Variants in SCG5 observed in about 807,000 individuals in gnomAD.
The protein encoded by SCG5 is secretogranin V.
In SCG5, 18 loss-of-function variants were observed where a neutral mutation model predicts 25.7. The observed-to-expected ratio is 0.70, with a 90% confidence interval of 0.48 to 1.04. The LOEUF (loss-of-function observed/expected upper bound fraction) is 1.04. Ranked by LOEUF, SCG5 falls within the 50% of genes least tolerant of loss-of-function variation. The pLI, the probability that SCG5 is intolerant of heterozygous loss-of-function variation, is 0.00. For missense variants in SCG5, 206 were observed against 259.8 expected (o/e 0.79, Z 1.42); for synonymous variants, 101 against 91.7 (o/e 1.10, Z -0.58).
intron 4 of SCG5, among the ~76,000 whole-genome samples, chr15:32,688,530 CCTG>C (rs1461293218): frequency 3.3e-5 from 5 of 152,094 alleles, no homozygotes; most frequent in Non-Finnish European, 7.3e-5. Flanking sequence ...TGTGATTAGA[CCTG>C]CTTAGTATTT....
intron 2 of SCG5, among the ~76,000 whole-genome samples, chr15:32,663,260 GC>G (rs2054268929): frequency 1.3e-5 from 2 of 150,756 alleles, no homozygotes; most frequent in South Asian, 4.2e-4. Context: ...ATTTTTTATT[GC>G]CCCAAAAGAA....
At chr15:32,659,735 G>C (rs550800176) in intron 2 of SCG5, among the ~76,000 whole-genome samples, 57 of 152,304 alleles carry the variant, frequency 3.7e-4, no homozygotes, top group African/African-American at 1.4e-3. Flanking sequence ...GTTTGGACAA[G>C]ATGTGAGTGA....
chr15:32,672,089 A>G (rs868135090), intron 2 of SCG5, among the ~76,000 whole-genome samples: 11 of 152,246 alleles, frequency 7.2e-5, no homozygotes, highest in Admixed American at 3.9e-4. Flanking sequence ...TTTCTGAATG[A>G]TGTATCGAGA....
intron 2 of SCG5, among the ~76,000 whole-genome samples, chr15:32,650,275 G>A (rs142380644): frequency 0.01 from 1,593 of 151,750 alleles, 35 homozygotes; most frequent in African/African-American, 0.037. Context: ...TTTTTTTTTC[G>A]TATTTTTAGT....
In SCG5 at chr15:32,642,083, T is replaced by C. The variant is rs548027461; in HGVS notation, c.-8+305T>C. Among the ~76,000 whole-genome samples the C allele has an allele frequency of 4.2e-4, 64 of 152,178 alleles. 1 individual carries two copies. Among genetic ancestry groups the C allele is most frequent in the Admixed American group, 3.3e-3 (50 of 15,292 alleles). ...CAGCCTTTTCCATCAGAATTGCAGA[T>C]TTTGCTGTTAAACAGCTACTCTCAG... On this transcript the variant is annotated intron_variant, in intron 1 of 5. Transcript: ENST00000300175.
intron 2 of SCG5, among the ~76,000 whole-genome samples, chr15:32,672,585 T>C (rs1179222562): frequency 6.6e-6 from 1 of 152,016 alleles, no homozygotes; most frequent in African/African-American, 2.4e-5. Context: ...ACCTGGAAAC[T>C]ATGAGAGACC....
intron 2 of SCG5, among the ~76,000 whole-genome samples, chr15:32,652,988 A>G (rs1029013644): frequency 4.6e-5 from 7 of 152,244 alleles, no homozygotes; most frequent in African/African-American, 1.7e-4. Flanking sequence ...GCATAAACCT[A>G]GAACAAAAAT....
At position 32,696,881 on chromosome 15, in the gene SCG5, A is replaced by T; in HGVS notation, c.*272A>T. On this transcript the variant is annotated 3_prime_UTR_variant, in exon 6 of 6. Transcript: ENST00000300175. ...AATGTGAATGTCAACAATAAAAAGC[A>T]AGACTATGAAAGGCTCAGATTTCTT... The T allele has an allele frequency of 6.4e-6, 2 of 312,238 alleles. No individual in the cohort carries two copies. Among genetic ancestry groups the T allele is most frequent in the South Asian group, 1.1e-4 (2 of 18,068 alleles). 19.3% of individuals were successfully genotyped at this position (312,238 alleles called of 1,614,324 possible).
chr15:32,688,177 T>A (rs2054756141), intron 4 of SCG5, among the ~76,000 whole-genome samples: 2 of 152,266 alleles, frequency 1.3e-5, no homozygotes, highest in African/African-American at 4.8e-5. Context: ...TGTGTGGTAG[T>A]CCTATTGAGT....
intron 5 of SCG5, chr15:32,692,116 A>G: frequency 8.9e-7 from 1 of 1,118,534 alleles, no homozygotes; most frequent in Non-Finnish European, 1.1e-6. Context: ...GTGGGGAAAA[A>G]CTGATCACAC....
At chr15:32,689,986 C>T (rs557529264) in intron 4 of SCG5, among the ~76,000 whole-genome samples, 37 of 152,084 alleles carry the variant, frequency 2.4e-4, no homozygotes, top group Non-Finnish European at 4.6e-4. Flanking sequence ...GGACTACAGG[C>T]GCCCGCCACC....
chr15:32,668,302 G>A (rs943912288), intron 2 of SCG5, among the ~76,000 whole-genome samples: 2 of 152,218 alleles, frequency 1.3e-5, no homozygotes, highest in African/African-American at 4.8e-5. Context: ...CAGCAGCTTA[G>A]GATAGTGAAA....
At chr15:32,684,377 G>C (rs1442075709) in intron 3 of SCG5, 180 bp from the exon 4 acceptor site, 1 of 584,888 alleles carries the variant, frequency 1.7e-6, no homozygotes, top group Non-Finnish European at 3.0e-6. Context: ...AGGAGTGGGA[G>C]TTTGAGATGA....
chr15:32,654,731 A>T (rs2054087291), intron 2 of SCG5, among the ~76,000 whole-genome samples: 1 of 152,172 alleles, frequency 6.6e-6, no homozygotes, highest in South Asian at 2.1e-4. Flanking sequence ...AAATGCGCAC[A>T]CAGTATCTGC....
In SCG5 at chr15:32,682,550, C is replaced by T. The variant is rs149050672; in HGVS notation, c.377-2007C>T. Among the ~76,000 whole-genome samples, 78 of 152,330 alleles carry T rather than the reference C, an allele frequency of 5.1e-4. No individual in the cohort carries two copies. The East Asian group carries it at 0.014, about 26-fold the overall frequency. ...TGTGCACTTAGGAGCTCTGAGAGGA[C>T]AGCAATCAAGCTGGCCTGGTAGAAT... On this transcript the variant is annotated intron_variant, in intron 3 of 5. Transcript: ENST00000300175.
chr15:32,677,630 T>C (rs2054552798), intron 2 of SCG5: 1 of 125,718 alleles, frequency 8.0e-6, no homozygotes, highest in Non-Finnish European at 1.6e-5. Flanking sequence ...TCAAATGTCA[T>C]GCACACCAGG....
chr15:32,692,003 C>T, intron 5 of SCG5: 1 of 1,376,198 alleles, frequency 7.3e-7, no homozygotes, highest in Non-Finnish European at 9.3e-7. Flanking sequence ...GCAATTCTAG[C>T]AACTCCATTC....
At chr15:32,689,864 C>A (rs1228191157) in intron 4 of SCG5, among the ~76,000 whole-genome samples, 3 of 139,280 alleles carry the variant, frequency 2.2e-5, no homozygotes, top group African/African-American at 5.4e-5. Context: ...TTTTTTGAGA[C>A]GGAGTCTCGC....
rs753708324 is a variant in SCG5, at chr15:32,643,686, C to T, written c.94C>T (p.Pro32Ser). The T allele has an allele frequency of 6.2e-7, 1 of 1,613,774 alleles. No individual in the cohort carries two copies. The highest frequency in any genetic ancestry group is 2.2e-5 in the East Asian group (1 of 44,886). The change falls in exon 2 of 6, where the codon CCT becomes TCT. Residue 32 changes from proline to serine, a missense_variant. Pro to Ser is a moderately conservative substitution (Grantham distance 74). Coordinates refer to ENST00000300175, the MANE Select transcript of SCG5 (RefSeq NM_001144757.3). Reference sequence around the variant, plus strand: ...AGCATTTGCTTACAGCCCCCGGACCCCTGACCGGGTCTCAGAAGCAGATAT... The same window carrying T: ...AGCATTTGCTTACAGCCCCCGGACCTCTGACCGGGTCTCAGAAGCAGATAT... ...TPAFAYSPRT[P>S]DRVSEADIQR... is the part of the protein sequence containing the mutation.
Sources: allele counts gnomAD v4.1 joint callset (sites outside exome capture counted in the v4.1 genomes callset), GRCh38; gene constraint gnomAD v4.1.1; transcripts MANE v1.5; gene names NCBI Gene and HGNC (gene_info 2026-07-23, HGNC 2026-07-21).